The following TRIO variants were observed in gnomAD, a reference collection of about 807,000 sequenced individuals.
TRIO encodes trio Rho guanine nucleotide exchange factor.
Under a neutral mutation model 351.9 loss-of-function variants are expected in TRIO, and 58 were observed. The observed-to-expected ratio is 0.16, with a 90% CI of 0.13 to 0.21. TRIO has a LOEUF of 0.21. Ranked by LOEUF, TRIO falls within the 10% of genes least tolerant of loss-of-function variation. TRIO has a pLI of 1.00. For missense variants in TRIO, 3,201 were observed against 4,027.8 expected (o/e 0.79, Z 5.56); for synonymous variants, 1,758 against 1,595.7 (o/e 1.10, Z -2.42).
intron 1 of TRIO, among the ~76,000 whole-genome samples, chr5:14,208,260 C>T (rs914396641): frequency 6.6e-6 from 1 of 152,158 alleles, no homozygotes; most frequent in African/African-American, 2.4e-5. Flanking sequence ...TAAATGTCCA[C>T]CAACTGGAAT....
Position 14,481,225 on chromosome 5 carries a change from C to A in TRIO, c.6337-9C>A, listed in dbSNP as rs1755488222. The A allele has an allele frequency of 6.2e-7, 1 of 1,613,258 alleles. No homozygotes were observed. Among genetic ancestry groups the A allele is most frequent in the African/African-American group, 1.3e-5 (1 of 74,868 alleles). ...CACCATTATCATGTCCTCTCCATTT[C>A]CCTTGCAGGACTTCCTCAAGTATTC... On this transcript the variant is annotated splice_polypyrimidine_tract_variant and intron_variant, in intron 43 of 56. Coordinates refer to ENST00000344204, the MANE Select transcript of TRIO (RefSeq NM_007118.4).
At position 14,389,319 on chromosome 5, in the gene TRIO, G is replaced by A. The variant is rs1413013050; in HGVS notation, c.3979G>A (p.Glu1327Lys). 1 of 1,612,354 alleles carries A rather than the reference G, an allele frequency of 6.2e-7. No homozygotes were observed. Among genetic ancestry groups the A allele is most frequent in the Middle Eastern group, 1.7e-4 (1 of 6,060 alleles). ...CCTGTGGGAAATGACCAGTGGCGTG[G>A]AAGAGATTCCACCTGGCATTGTAAA... ...TYLWEMTSGV[E>K]EIPPGIVNKE... Residue 1327 changes from glutamate to lysine, a missense_variant, in exon 25 of 57, where the codon GAA becomes AAA. Physicochemically the swap from Glu to Lys is moderately conservative, Grantham distance 56 (BLOSUM62 1). This residue lies in a region of TRIO where 115 missense variants were observed against 239.6 expected (regional missense o/e 0.48). Coordinates refer to ENST00000344204, the MANE Select transcript of TRIO (RefSeq NM_007118.4).
chr5:14,333,614 T>G (rs916292216), intron 10 of TRIO, among the ~76,000 whole-genome samples: 8 of 152,230 alleles, frequency 5.3e-5, no homozygotes, highest in Admixed American at 3.9e-4. Context: ...TTTTCCTATC[T>G]GTTCTAAGTT....
Position 14,286,855 on chromosome 5 carries a change from T to G in TRIO, c.348-16T>G. 6.2e-7 allele frequency: 1 copy of G among 1,607,558 alleles called. No homozygotes were observed. The highest frequency in any genetic ancestry group is 8.5e-7 in the Non-Finnish European group (1 of 1,176,358). ...GAGATGTAACCCGTCTTCAGCCATG[T>G]TTTCTTTCTCTGCAGCGAGGAGGTC... On this transcript the variant is annotated splice_polypyrimidine_tract_variant and intron_variant, in intron 3 of 56. Transcript: ENST00000344204. This position sits in a 1 kb window ranked among gnomAD's most constrained non-coding sequence, Gnocchi z 4.4.
At chr5:14,443,875 G>A (rs144296745) in intron 34 of TRIO, among the ~76,000 whole-genome samples, 47 of 152,316 alleles carry the variant, frequency 3.1e-4, no homozygotes, top group Non-Finnish European at 6.0e-4. Context: ...CTAGTTCTAC[G>A]GATAAGAGAG....
chr5:14,378,956 C>T (rs192426779), intron 20 of TRIO, among the ~76,000 whole-genome samples: 1,525 of 152,242 alleles, frequency 0.01, 26 homozygotes, highest in African/African-American at 0.034. Context: ...GGATGAAGTG[C>T]TTCTGCCTGT....
chr5:14,434,343 C>A (rs1372172603), intron 34 of TRIO, among the ~76,000 whole-genome samples: 1 of 151,878 alleles, frequency 6.6e-6, no homozygotes, highest in Non-Finnish European at 1.5e-5. Context: ...AATCATAAAC[C>A]CCTTTATTTA....
rs576606762 is a variant in TRIO, at chr5:14,477,989, G to T, written c.6153+1026G>T. Among the ~76,000 whole-genome samples the T allele has an allele frequency of 8.5e-5, 13 of 152,280 alleles. No individual in the cohort carries two copies. The South Asian group carries it at 2.5e-3, about 29-fold the overall frequency. On this transcript the variant is annotated intron_variant, in intron 41 of 56. Transcript: ENST00000344204. ...CACTGCCAGTTGTTTGCCTTGAAATGACAGGCTTATTTTGTTCATGTTCAA... is the reference window on the plus strand; with the variant it reads ...CACTGCCAGTTGTTTGCCTTGAAATTACAGGCTTATTTTGTTCATGTTCAA...
chr5:14,330,848 A>G lies in TRIO; in HGVS notation c.1802A>G (p.His601Arg). The G allele has an allele frequency of 1.2e-6, 2 of 1,614,180 alleles. No homozygotes were observed. Among genetic ancestry groups the G allele is most frequent in the Non-Finnish European group, 8.5e-7 (1 of 1,180,000 alleles). The change falls in exon 10 of 57, where the codon CAT becomes CGT. Residue 601 changes from histidine (H) to arginine (R), a missense_variant. Physicochemically the swap from His to Arg is conservative, Grantham distance 29. Transcript: ENST00000344204. ...SKHTGVGKSL[H>R]RARALQKRHE... ...CATACAGGTGTGGGGAAATCTCTTC[A>G]TCGGGCCAGAGCATTGCAGAAACGT... is the stretch of plus-strand genomic sequence containing the variant.
intron 1 of TRIO, among the ~76,000 whole-genome samples, chr5:14,246,468 G>C (rs7705426): frequency 0.033 from 4,996 of 152,278 alleles, 288 homozygotes; most frequent in African/African-American, 0.11. Flanking sequence ...TCTGCTCTTG[G>C]TCGCTTCTCA....
chr5:14,503,250 GC>G (rs1757421592), intron 54 of TRIO, among the ~76,000 whole-genome samples: 1 of 152,230 alleles, frequency 6.6e-6, no homozygotes, highest in Non-Finnish European at 1.5e-5. Flanking sequence ...GAGCATGACA[GC>G]TGTCCTTTGT....
intron 1 of TRIO, among the ~76,000 whole-genome samples, chr5:14,150,143 G>A (rs1247680538): frequency 6.6e-6 from 1 of 152,172 alleles, no homozygotes; most frequent in Non-Finnish European, 1.5e-5. Context: ...AAACTGTGTA[G>A]GTGTGAATAG....
intron 1 of TRIO, among the ~76,000 whole-genome samples, chr5:14,177,133 T>C (rs1324077718): frequency 6.6e-6 from 1 of 152,166 alleles, no homozygotes; most frequent in Non-Finnish European, 1.5e-5. Flanking sequence ...GTGGTGAGCA[T>C]ACAGTTATGC....
chr5:14,417,726 AG>A (rs1256363199), intron 33 of TRIO, among the ~76,000 whole-genome samples: 1 of 152,274 alleles, frequency 6.6e-6, no homozygotes, highest in African/African-American at 2.4e-5. Flanking sequence ...CTGCAGGCTA[AG>A]CACAGGCAGA....
intron 37 of TRIO, among the ~76,000 whole-genome samples, chr5:14,466,962 A>G (rs1754307731): frequency 6.6e-6 from 1 of 152,214 alleles, no homozygotes; most frequent in Non-Finnish European, 1.5e-5. Flanking sequence ...CTAAGTGCTG[A>G]GCATGTATTA....
intron 34 of TRIO, among the ~76,000 whole-genome samples, chr5:14,458,685 C>T (rs1270076897): frequency 6.6e-6 from 1 of 152,194 alleles, no homozygotes; most frequent in Admixed American, 6.5e-5. Context: ...GTGAGCAGTG[C>T]AGGGTTCTGC....
At chr5:14,310,547 CAG>C (rs1357061245) in intron 8 of TRIO, among the ~76,000 whole-genome samples, 3 of 152,234 alleles carry the variant, frequency 2.0e-5, no homozygotes, top group African/African-American at 7.2e-5. Context: ...GGCACTGTAT[CAG>C]TGGGTGATGG....
intron 1 of TRIO, among the ~76,000 whole-genome samples, chr5:14,182,038 C>T (rs1789802449): frequency 6.6e-6 from 1 of 152,162 alleles, no homozygotes; most frequent in Non-Finnish European, 1.5e-5. Context: ...CACCACTTCC[C>T]ACATATCATT....
Position 14,460,245 on chromosome 5 carries a change from G to A in TRIO, c.5204-774G>A, listed in dbSNP as rs756571928. On this transcript the variant is annotated intron_variant, in intron 34 of 56. Transcript: ENST00000344204. Reference sequence around the variant, plus strand: ...ACATTTCTTTTTAAAATGTGGTGGCGTTTTTGTTCATTGTTGCTGATATTT... The same window carrying A: ...ACATTTCTTTTTAAAATGTGGTGGCATTTTTGTTCATTGTTGCTGATATTT... Among the ~76,000 whole-genome samples, 6 of 152,166 alleles carry A rather than the reference G, an allele frequency of 3.9e-5. No individual in the cohort carries two copies. The South Asian group carries it at 1.2e-3, about 32-fold the overall frequency.
Sources: gnomAD v4.1 joint callset for allele counts (sites outside exome capture counted in the v4.1 genomes callset) on GRCh38, gnomAD v4.1.1 for gene constraint, gnomAD v4.1.1 regional missense constraint, Gnocchi (gnomAD v3.1) non-coding constraint, MANE v1.5 for transcripts, NCBI Gene and HGNC (gene_info 2026-07-23, HGNC 2026-07-21) for gene names.